The following SH3D21 variants were observed in gnomAD, a reference collection of about 807,000 sequenced individuals.
The protein encoded by SH3D21 is SH3 domain-containing protein 21.
SH3D21 carries 83 observed loss-of-function variants against 82.1 expected under a neutral mutation model. That is an observed-to-expected ratio of 1.01 (90% CI 0.85 to 1.21). The LOEUF (loss-of-function observed/expected upper bound fraction) is 1.21, where lower values mean the gene tolerates loss of function less well. Among genes scored for constraint, SH3D21 ranks in the 50% most tolerant of loss-of-function variants. The pLI, the probability that SH3D21 is intolerant of heterozygous loss-of-function variation, is 0.00. For missense variants in SH3D21, 980 were observed against 962.1 expected (o/e 1.02, Z -0.25); for synonymous variants, 383 against 387.8 (o/e 0.99, Z 0.15).
chr1:36,321,638 G>A (rs1646465821), downstream of SH3D21: 2 of 1,017,722 alleles, frequency 2.0e-6, no homozygotes, highest in South Asian at 7.0e-5. The surrounding 1 kb of genome is among the most constrained non-coding windows in gnomAD (Gnocchi z 6.1). Context: ...CCACCGTCCA[G>A]CCCAAGCACG....
intron 10 of SH3D21, among the ~76,000 whole-genome samples, chr1:36,313,967 A>ATTTTTTTTTTT (rs1207014644): frequency 3.3e-4 from 12 of 36,876 alleles, no homozygotes; most frequent in South Asian, 1.4e-3. Flanking sequence ...TGCTGAACAT[A>ATTTTTTTTTTT]TTTTCTTTTT....
At chr1:36,318,985 ACCT>A (rs1289988330) in intron 10 of SH3D21, 83 bp from the exon 11 acceptor site, 7 of 741,976 alleles carry the variant, frequency 9.4e-6, no homozygotes, top group Middle Eastern at 2.3e-4. Context: ...AACAAGATTA[ACCT>A]CCTGCCCATA....
chr1:36,320,176 C>G lies in SH3D21; in HGVS notation c.1513C>G (p.His505Asp), dbSNP rs760565470. The change falls in exon 14 of 16, where the codon CAC becomes GAC. Residue 505 changes from histidine (H) to aspartate (D), a missense_variant. By Grantham distance (81) the His-to-Asp change is moderately conservative. Coordinates refer to ENST00000453908, the MANE Select transcript of SH3D21 (RefSeq NM_001162530.2). ...VSTRDDIQFH[H>D]FSSEEALQKV... ...CACCAGAGATGACATTCAATTCCATCACTTCTCTTCGGAGGAAGCCCTGCA... is the reference window on the plus strand; with the variant it reads ...CACCAGAGATGACATTCAATTCCATGACTTCTCTTCGGAGGAAGCCCTGCA... The G allele has an allele frequency of 3.1e-6, 5 of 1,613,626 alleles. No homozygotes were observed. The Admixed American group carries it at 8.3e-5, about 27-fold the overall frequency.
chr1:36,320,201 A>G lies in SH3D21; in HGVS notation c.1538A>G (p.Gln513Arg). The G allele has an allele frequency of 2.5e-6, 4 of 1,613,374 alleles. No individual in the cohort carries two copies. The highest frequency in any genetic ancestry group is 1.1e-5 in the South Asian group (1 of 91,090). Reference sequence around the variant, plus strand: ...CACTTCTCTTCGGAGGAAGCCCTGCAGAAGGTCAAGTACTTTGTAGCCAAA... The same window carrying G: ...CACTTCTCTTCGGAGGAAGCCCTGCGGAAGGTCAAGTACTTTGTAGCCAAA... ...FHHFSSEEAL[Q>R]KVKYFVAKED... Residue 513 changes from glutamine to arginine, a missense_variant, in exon 14 of 16, where the codon CAG (glutamine) becomes CGG (arginine). Coordinates refer to ENST00000453908, the MANE Select transcript of SH3D21 (RefSeq NM_001162530.2).
rs771093410 is a variant in SH3D21, at chr1:36,306,624, G to A, written c.31G>A (p.Ala11Thr). 3.0e-5 allele frequency: 39 copies of A among 1,302,492 alleles called. 2 individuals carry two copies. The South Asian group carries it at 3.7e-4, about 12-fold the overall frequency. 80.7% of individuals were successfully genotyped at this position (1,302,492 alleles called of 1,614,324 possible). Residue 11 changes from alanine to threonine, a missense_variant, in exon 2 of 16, where the codon GCG (alanine) becomes ACG (threonine). Physicochemically the swap from Ala to Thr is moderately conservative, Grantham distance 58. Coordinates refer to ENST00000453908, the MANE Select transcript of SH3D21 (RefSeq NM_001162530.2). The surrounding 1 kb of genome is among the most constrained non-coding windows in gnomAD (Gnocchi z 4.5). MEVLVLAGYR[A>T]QKEDELSLAP... is the part of the protein sequence containing the mutation. ...AGTCCTCGTCCTGGCCGGATACCGCGCGCAGAAGGAGGACGAGCTGAGTCT... is the reference window on the plus strand; with the variant it reads ...AGTCCTCGTCCTGGCCGGATACCGCACGCAGAAGGAGGACGAGCTGAGTCT...
intron 10 of SH3D21, among the ~76,000 whole-genome samples, chr1:36,313,151 C>T (rs971598621): frequency 1.3e-5 from 2 of 151,914 alleles, no homozygotes; most frequent in Non-Finnish European, 2.9e-5. Flanking sequence ...GGTGAAACCC[C>T]GTCTCTACTA....
In SH3D21 at chr1:36,309,548, A is replaced by T. The variant is rs762778687; in HGVS notation, c.727A>T (p.Ile243Phe). 6.4e-7 allele frequency: 1 copy of T among 1,551,630 alleles called. No homozygotes were observed. Among genetic ancestry groups the T allele is most frequent in the South Asian group, 1.2e-5 (1 of 84,052 alleles). Reference protein sequence around the residue: ...PDNFVLPPPPIKKLVPRKVVS... With the variant: ...PDNFVLPPPPFKKLVPRKVVS... ...CAACCTTTACTTCTTTTCGGCATAG[A>T]TCAAGAAGCTGGTCCCACGGAAAGT... The change falls in exon 10 of 16, where the codon ATC becomes TTC. Residue 243 changes from isoleucine (I) to phenylalanine (F), a missense_variant and splice_region_variant. Ile to Phe is a conservative substitution (Grantham distance 21, BLOSUM62 0). Coordinates refer to ENST00000453908, the MANE Select transcript of SH3D21 (RefSeq NM_001162530.2).
chr1:36,319,151 C>A lies in SH3D21; in HGVS notation c.850C>A (p.Pro284Thr). Reference sequence around the variant, plus strand: ...GAAGCTAGCAACAGCCACCACTGGGCCCAGCAAAGCCAAGTAAGGAGCAGG... The same window carrying A: ...GAAGCTAGCAACAGCCACCACTGGGACCAGCAAAGCCAAGTAAGGAGCAGG... ...VKKLATATTG[P>T]SKAKTSRTPS... Residue 284 changes from proline to threonine, a missense_variant, in exon 11 of 16, where the codon CCC becomes ACC. Coordinates refer to ENST00000453908, the MANE Select transcript of SH3D21 (RefSeq NM_001162530.2). The A allele has an allele frequency of 6.4e-7, 1 of 1,551,418 alleles. No individual in the cohort carries two copies. Among genetic ancestry groups the A allele is most frequent in the Non-Finnish European group, 8.7e-7 (1 of 1,146,746 alleles).
At chr1:36,314,705 C>T (rs527700253) in intron 10 of SH3D21, among the ~76,000 whole-genome samples, 129 of 152,056 alleles carry the variant, frequency 8.5e-4, no homozygotes, top group African/African-American at 2.7e-3. Flanking sequence ...CCACCCACCT[C>T]GGCCTCCCAA....
chr1:36,315,263 G>C (rs527810371), intron 10 of SH3D21, among the ~76,000 whole-genome samples: 1 of 151,494 alleles, frequency 6.6e-6, no homozygotes, highest in African/African-American at 2.4e-5. Context: ...GTGACAGAGC[G>C]AGACTCTGTC....
rs962423033 is a variant in SH3D21, at chr1:36,306,799, C to A, written c.163-43C>A. ...CGGGCTGTGGGGTCTCAGCGCGCGC[C>A]CCCCGGGAGCTGAGAGCGCCTTCCC... On this transcript the variant is annotated intron_variant, in intron 2 of 15. Coordinates refer to ENST00000453908, the MANE Select transcript of SH3D21 (RefSeq NM_001162530.2). This position sits in a 1 kb window ranked among gnomAD's most constrained non-coding sequence, Gnocchi z 4.5. 2 of 1,291,816 alleles carry A rather than the reference C, an allele frequency of 1.5e-6. No homozygotes were observed. Among genetic ancestry groups the A allele is most frequent in the Non-Finnish European group, 2.0e-6 (2 of 987,844 alleles). The allele number at this position is 1,291,816 out of a possible 1,614,324, so 80.0% of individuals were successfully genotyped here. A position where few individuals can be genotyped will look rare whatever the true frequency, so the allele number is the denominator to read the frequency against.
chr1:36,322,755 A>G (rs7536394), downstream of SH3D21: 1,535,782 of 1,542,542 alleles, frequency 1, 764,645 homozygotes, highest in Non-Finnish European at 1. Context: ...GGTCACGGAG[A>G]GGCCCGGACG....
downstream of SH3D21, among the ~76,000 whole-genome samples, chr1:36,327,012 C>T (rs1452094448): frequency 1.3e-5 from 2 of 152,126 alleles, no homozygotes; most frequent in African/African-American, 4.8e-5. Context: ...GATGGATTTA[C>T]CACCCCAGAA....
downstream of SH3D21, chr1:36,322,298 G>A: frequency 6.5e-7 from 1 of 1,530,666 alleles, no homozygotes; most frequent in East Asian, 2.4e-5. Flanking sequence ...GGGCCCATCA[G>A]TAATAGTGCA....
At chr1:36,319,221 T>C (rs1570400138) in intron 11 of SH3D21, 39 bp from the exon 12 acceptor site, 2 of 1,551,194 alleles carry the variant, frequency 1.3e-6, no homozygotes, top group East Asian at 4.9e-5. Flanking sequence ...CGCCCCTCCC[T>C]GTGCCCCACC....
At chr1:36,312,087 AG>A (rs1238420880) in intron 10 of SH3D21, among the ~76,000 whole-genome samples, 2 of 145,100 alleles carry the variant, frequency 1.4e-5, no homozygotes, top group Non-Finnish European at 3.1e-5. Flanking sequence ...TGCAGTGGTG[AG>A]ATCTCGGCTC....
At chr1:36,311,710 G>C (rs1418497748) in intron 10 of SH3D21, among the ~76,000 whole-genome samples, 1 of 149,182 alleles carries the variant, frequency 6.7e-6, no homozygotes, top group Non-Finnish European at 1.5e-5. Context: ...TTTTTTTTTT[G>C]AGAAAGGGTC....
chr1:36,306,855 C>A lies in SH3D21; in HGVS notation c.176C>A (p.Thr59Asn). ...CCTGATTCCCAGGAGATCCCAGAGA[C>A]CCTGCGGGGCTCCGGAGAGGCGCGG... ...PERLVQEIPE[T>N]LRGSGEARRP... is the part of the protein sequence containing the mutation. The change falls in exon 3 of 16, where the codon ACC becomes AAC. Residue 59 changes from threonine to asparagine, a missense_variant. Thr to Asn is a moderately conservative substitution (Grantham distance 65, BLOSUM62 0). Transcript: ENST00000453908. The surrounding 1 kb of genome is among the most constrained non-coding windows in gnomAD (Gnocchi z 4.5). The A allele has an allele frequency of 7.7e-7, 1 of 1,297,140 alleles. No homozygotes were observed. The highest frequency in any genetic ancestry group is 1.0e-6 in the Non-Finnish European group (1 of 991,850). The allele number at this position is 1,297,140 out of a possible 1,614,324, so 80.4% of individuals were successfully genotyped here. A position where few individuals can be genotyped will look rare whatever the true frequency, so the allele number is the denominator to read the frequency against.
At position 36,320,772 on chromosome 1, in the gene SH3D21, GC is replaced by G; in HGVS notation, c.2110del (p.Leu704TrpfsTer3). 1 of 1,581,390 alleles carries G rather than the reference GC, an allele frequency of 6.3e-7. No individual in the cohort carries two copies. Among genetic ancestry groups the G allele is most frequent in the African/African-American group, 1.3e-5 (1 of 74,210 alleles). The stretch of plus-strand genomic sequence containing the variant: ...GCGAGGTGGAGTCTCTAAGGAGGGC[GC>G]TGGAGCTGATGGAGGTGCAGCTGGA... ...RGEVESLRRA[L>X]ELMEVQLERK... On this transcript the variant is annotated frameshift_variant, in exon 14 of 16. Transcript: ENST00000453908. LOFTEE classifies it high-confidence loss of function.
Sources: gnomAD v4.1 joint callset for allele counts (sites outside exome capture counted in the v4.1 genomes callset) on GRCh38, gnomAD v4.1.1 for gene constraint, Gnocchi (gnomAD v3.1) non-coding constraint, MANE v1.5 for transcripts, NCBI Gene and HGNC (gene_info 2026-07-23, HGNC 2026-07-21) for gene names.